ERMARD: variants seen among roughly 807,000 people sequenced by gnomAD.
The protein encoded by ERMARD is endoplasmic reticulum membrane-associated RNA degradation protein.
In ERMARD, 71 loss-of-function variants were observed where a neutral mutation model predicts 83.9. The observed-to-expected ratio is 0.85, with a 90% CI of 0.70 to 1.03. The LOEUF is 1.03. Ranked by LOEUF, ERMARD falls within the 50% of genes least tolerant of loss-of-function variation. The probability of loss-of-function intolerance (pLI) is 0.00; values close to 1 mark genes in which losing one functional copy is unlikely to be tolerated. For missense variants in ERMARD, 838 were observed against 810.9 expected (o/e 1.03, Z -0.41); for synonymous variants, 284 against 298.6 (o/e 0.95, Z 0.50).
rs1331520962 is a variant in ERMARD at position 169,776,475 on chromosome 6, A to G, written c.1541A>G (p.Glu514Gly). 3.1e-6 allele frequency: 5 copies of G among 1,613,776 alleles called. No individual in the cohort carries two copies. The highest frequency in any genetic ancestry group is 1.7e-5 in the Admixed American group (1 of 59,974). Reference protein sequence around the residue: ...PTETWPQLLRELCSTPVPTLF... With the variant: ...PTETWPQLLRGLCSTPVPTLF... Reference sequence around the variant, plus strand: ...TGCAGGTGGCCCCAGCTTCTCCGTGAGCTCTGCAGCACACCTGTTCCCACC... The same window carrying G: ...TGCAGGTGGCCCCAGCTTCTCCGTGGGCTCTGCAGCACACCTGTTCCCACC... The change falls in exon 16 of 18, where the codon GAG becomes GGG. Residue 514 changes from glutamate (E) to glycine (G), a missense_variant. Physicochemically the swap from Glu to Gly is moderately conservative, Grantham distance 98 (BLOSUM62 -2). Coordinates refer to ENST00000366773, the MANE Select transcript of ERMARD (RefSeq NM_018341.3).
At chr6:169,751,583 G>A (rs771808093), upstream of ERMARD, 759 of 1,601,830 alleles carry the variant, frequency 4.7e-4, 1 homozygote, top group Non-Finnish European at 4.3e-4. Flanking sequence ...GCCCGCCAGG[G>A]CTCCAAAGCG....
chr6:169,760,344 A>C (rs1791388571), intron 7 of ERMARD, among the ~76,000 whole-genome samples: 1 of 152,194 alleles, frequency 6.6e-6, no homozygotes, highest in East Asian at 1.9e-4. Context: ...AGTAATATCA[A>C]GGGTCTTTTA....
chr6:169,753,889 CAT>C lies in ERMARD; in HGVS notation c.33_34del (p.Cys12SerfsTer7), dbSNP rs747627800. 2.7e-4 allele frequency: 434 copies of C among 1,602,014 alleles called. No homozygotes were observed. The highest frequency in any genetic ancestry group is 3.4e-4 in the Admixed American group (20 of 58,702). On this transcript the variant is annotated frameshift_variant, in exon 2 of 18. Transcript: ENST00000366773. LOFTEE classifies it high-confidence loss of function. ...GTATTAATAGGGGACCCTATTACCA[CAT>C]GTCTTTCTCCCTCAGTGTATGATAT...
chr6:169,765,129 G>A (rs965129818), intron 9 of ERMARD, among the ~76,000 whole-genome samples: 2 of 152,226 alleles, frequency 1.3e-5, no homozygotes, highest in Non-Finnish European at 2.9e-5. Context: ...ATACCTGCAT[G>A]GGGATTGGCT....
intron 10 of ERMARD, 32 bp downstream of exon 10, chr6:169,766,699 A>G (rs750726960): frequency 4.5e-6 from 7 of 1,553,708 alleles, no homozygotes; most frequent in Non-Finnish European, 6.0e-6. Flanking sequence ...GTAACTTGAA[A>G]CAAACAGAAC....
intron 9 of ERMARD, among the ~76,000 whole-genome samples, chr6:169,766,411 T>C (rs909672519): frequency 3.3e-5 from 5 of 152,236 alleles, no homozygotes; most frequent in South Asian, 2.1e-4. Flanking sequence ...TTGAGAGCAG[T>C]GTCCTAATGC....
chr6:169,760,324 A>G (rs1330799779), intron 7 of ERMARD, among the ~76,000 whole-genome samples: 1 of 152,208 alleles, frequency 6.6e-6, no homozygotes, highest in Non-Finnish European at 1.5e-5. Context: ...ATTATGCCAG[A>G]AATACTTGTA....
chr6:169,779,693 A>G (rs942549193), intron 17 of ERMARD, among the ~76,000 whole-genome samples: 1 of 152,156 alleles, frequency 6.6e-6, no homozygotes, highest in Non-Finnish European at 1.5e-5. Flanking sequence ...AGGTCTCACT[A>G]TGTTGCCCTT....
intron 1 of ERMARD, among the ~76,000 whole-genome samples, chr6:169,752,136 G>T (rs528166938): frequency 6.6e-6 from 1 of 152,334 alleles, no homozygotes; most frequent in Admixed American, 6.5e-5. Context: ...TGGAAGGATC[G>T]CTTTAGCCCA....
intron 5 of ERMARD, 106 bp downstream of exon 5, chr6:169,756,914 G>A: frequency 9.9e-7 from 1 of 1,008,112 alleles, no homozygotes; most frequent in Non-Finnish European, 1.5e-6. Context: ...TGGACTTACG[G>A]TTTCACATGG....
At position 169,776,790 on chromosome 6, in the gene ERMARD, AG is replaced by A. The variant is rs1422572151; in HGVS notation, c.1739+119del. 11 of 1,173,522 alleles carry A rather than the reference AG, an allele frequency of 9.4e-6. No individual in the cohort carries two copies. The African/African-American group carries it at 1.7e-4, about 18-fold the overall frequency. The allele number at this position is 1,173,522 out of a possible 1,614,324, so 72.7% of individuals were successfully genotyped here. On this transcript the variant is annotated intron_variant, in intron 16 of 17. Coordinates refer to ENST00000366773, the MANE Select transcript of ERMARD (RefSeq NM_018341.3). The stretch of plus-strand genomic sequence containing the variant: ...TAGCCCCTCACTGAACCCCATCGAC[AG>A]GTGTTGATATACTTGGAGTCCACAA...
chr6:169,778,939 A>G (rs1793897090), intron 16 of ERMARD, among the ~76,000 whole-genome samples: 1 of 152,216 alleles, frequency 6.6e-6, no homozygotes, highest in African/African-American at 2.4e-5. Flanking sequence ...GGCGCCTCAG[A>G]TGGTGACTCA....
At chr6:169,763,274 G>C (rs764088620) in intron 9 of ERMARD, among the ~76,000 whole-genome samples, 17 of 152,212 alleles carry the variant, frequency 1.1e-4, no homozygotes, top group Non-Finnish European at 2.2e-4. Context: ...AGCTCCCACT[G>C]AGATGGCAGC....
intron 6 of ERMARD, among the ~76,000 whole-genome samples, chr6:169,759,617 T>A (rs1404683106): frequency 2.0e-5 from 3 of 152,218 alleles, no homozygotes; most frequent in Non-Finnish European, 4.4e-5. Context: ...AGATAGGATT[T>A]CACCTTGTTG....
At chr6:169,763,353 G>T (rs1394153504) in intron 9 of ERMARD, among the ~76,000 whole-genome samples, 1 of 152,142 alleles carries the variant, frequency 6.6e-6, no homozygotes, top group Admixed American at 6.5e-5. Context: ...CTTCCTTATG[G>T]AGACTACTAC....
At chr6:169,752,322 T>C (rs976538923) in intron 1 of ERMARD, among the ~76,000 whole-genome samples, 4 of 152,334 alleles carry the variant, frequency 2.6e-5, no homozygotes, top group African/African-American at 9.6e-5. Context: ...CCTGGCACCG[T>C]TTTATTTCAC....
intron 5 of ERMARD, among the ~76,000 whole-genome samples, chr6:169,757,149 A>G (rs988033970): frequency 7.9e-5 from 12 of 152,172 alleles, no homozygotes; most frequent in African/African-American, 2.9e-4. Context: ...GGAAGATACA[A>G]TTCAAGTTGA....
intron 15 of ERMARD, 134 bp from the exon 16 acceptor site, chr6:169,776,321 G>A (rs1201806818): frequency 9.0e-6 from 14 of 1,552,310 alleles, no homozygotes; most frequent in Non-Finnish European, 1.2e-5. Flanking sequence ...GCGTGTCACG[G>A]TTGTCCCTGC....
chr6:169,778,027 C>T (rs959204510), intron 16 of ERMARD, among the ~76,000 whole-genome samples: 1 of 152,218 alleles, frequency 6.6e-6, no homozygotes, highest in Non-Finnish European at 1.5e-5. Flanking sequence ...GGACGCGTTT[C>T]CGTCGCAGGA....
Sources: allele counts gnomAD v4.1 joint callset (sites outside exome capture counted in the v4.1 genomes callset), GRCh38; gene constraint gnomAD v4.1.1; transcripts MANE v1.5; gene names NCBI Gene and HGNC (gene_info 2026-07-23, HGNC 2026-07-21).